EYS: variants seen among roughly 807,000 people sequenced by gnomAD.
The protein encoded by EYS is protein eyes shut homolog.
A neutral mutation model predicts 282.1 loss-of-function variants in EYS; 250 were observed. The ratio of observed to expected loss-of-function variants is 0.89; its 90% CI spans 0.80 to 0.98. The LOEUF is 0.98. Ranked by LOEUF, EYS falls within the 50% of genes least tolerant of loss-of-function variation. The pLI is 0.00. For synonymous variants in EYS, 1,355 were observed against 1,282.9 expected (o/e 1.06, Z -1.20); for missense variants, 4,016 against 3,709.0 (o/e 1.08, Z -2.15).
intron 42 of EYS, 116 bp downstream of exon 42, chr6:63,726,403 A>C: frequency 1.1e-6 from 1 of 873,698 alleles, no homozygotes; most frequent in Non-Finnish European, 1.7e-6. Context: ...TGACAATAGA[A>C]CATAAAAGCA....
chr6:64,500,907 T>C (rs1334332852), intron 26 of EYS, among the ~76,000 whole-genome samples: 4 of 152,144 alleles, frequency 2.6e-5, no homozygotes, highest in African/African-American at 4.8e-5. Flanking sequence ...ACATTGATTA[T>C]GTTAACTGTG....
chr6:65,150,679 A>T (rs2150214953), intron 12 of EYS, among the ~76,000 whole-genome samples: 1 of 140,958 alleles, frequency 7.1e-6, no homozygotes, highest in Non-Finnish European at 1.5e-5. Flanking sequence ...CTTATTTTTT[A>T]TCATTTTTAA....
At chr6:64,923,043 G>A (rs1281633177) in intron 15 of EYS, among the ~76,000 whole-genome samples, 2 of 152,054 alleles carry the variant, frequency 1.3e-5, no homozygotes, top group African/African-American at 2.4e-5. Context: ...TCTTGAGGAT[G>A]TGCCTATGAT....
At chr6:65,273,719 G>T (rs1767965694) in intron 12 of EYS, among the ~76,000 whole-genome samples, 1 of 152,184 alleles carries the variant, frequency 6.6e-6, no homozygotes. Flanking sequence ...GTTATGTTAT[G>T]CTATACGTTA....
intron 2 of EYS, among the ~76,000 whole-genome samples, chr6:65,594,947 C>A (rs1204976450): frequency 6.6e-6 from 1 of 151,982 alleles, no homozygotes; most frequent in East Asian, 1.9e-4. Context: ...TTGTTTTGGT[C>A]AGGTTTGCCA....
At chr6:63,899,310 T>G (rs1773607423) in intron 35 of EYS, among the ~76,000 whole-genome samples, 2 of 152,102 alleles carry the variant, frequency 1.3e-5, no homozygotes, top group Admixed American at 1.3e-4. Context: ...CACAACATGT[T>G]GAATTAATGA....
intron 22 of EYS, among the ~76,000 whole-genome samples, chr6:64,672,179 G>T (rs1316242347): frequency 1.3e-5 from 2 of 152,066 alleles, no homozygotes; most frequent in Admixed American, 1.3e-4. Context: ...CCTTTTAACT[G>T]ATGCCCTAGT....
At chr6:64,269,323 A>G (rs1767864705) in intron 30 of EYS, among the ~76,000 whole-genome samples, 1 of 152,146 alleles carries the variant, frequency 6.6e-6, no homozygotes, top group Non-Finnish European at 1.5e-5. Context: ...AGTGCGACTA[A>G]CATAGAATAA....
chr6:64,507,333 A>G (rs974159024), intron 26 of EYS, among the ~76,000 whole-genome samples: 2 of 152,184 alleles, frequency 1.3e-5, no homozygotes, highest in Non-Finnish European at 2.9e-5. Context: ...CTACCTGTTT[A>G]AAAGAGGATG....
intron 5 of EYS, among the ~76,000 whole-genome samples, chr6:65,440,619 A>G (rs1191619085): frequency 6.6e-6 from 1 of 151,336 alleles, no homozygotes; most frequent in East Asian, 1.9e-4. Flanking sequence ...AGTCTTCCCC[A>G]CATTTCCTCC....
intron 31 of EYS, among the ~76,000 whole-genome samples, chr6:64,134,284 C>T (rs1331840893): frequency 6.6e-6 from 1 of 151,864 alleles, no homozygotes; most frequent in African/African-American, 2.4e-5. Context: ...TTTCAGTGAC[C>T]TGCATTTCTT....
chr6:64,114,562 G>T (rs1054632261), intron 31 of EYS, among the ~76,000 whole-genome samples: 1 of 152,178 alleles, frequency 6.6e-6, no homozygotes, highest in Non-Finnish European at 1.5e-5. Flanking sequence ...TGATGTGCCA[G>T]AAACATCTAG....
At chr6:64,539,398 C>G (rs1368395963) in intron 26 of EYS, among the ~76,000 whole-genome samples, 1 of 151,924 alleles carries the variant, frequency 6.6e-6, no homozygotes, top group African/African-American at 2.4e-5. Flanking sequence ...TACCCTGTCT[C>G]TAGAAAAATA....
chr6:64,713,617 G>T (rs1463236789), intron 22 of EYS, among the ~76,000 whole-genome samples: 5 of 152,030 alleles, frequency 3.3e-5, no homozygotes, highest in Non-Finnish European at 7.4e-5. Flanking sequence ...TAGAAATAAA[G>T]AACTATTTAC....
At chr6:64,194,475 ATATATTTTTTGTTG>A (rs1765218816) in intron 31 of EYS, among the ~76,000 whole-genome samples, 1 of 152,106 alleles carries the variant, frequency 6.6e-6, no homozygotes, top group African/African-American at 2.4e-5. Flanking sequence ...TGAGTTCTAA[ATATATTTTTTGTTG>A]TAGTTTCTTC....
intron 22 of EYS, among the ~76,000 whole-genome samples, chr6:64,638,461 A>C (rs1222141368): frequency 1.1e-5 from 1 of 92,214 alleles, no homozygotes; most frequent in Non-Finnish European, 2.4e-5. Flanking sequence ...AATTATTAAG[A>C]GCTGTGAATT....
intron 12 of EYS, among the ~76,000 whole-genome samples, chr6:65,068,489 C>G (rs1007698372): frequency 1.3e-5 from 2 of 152,004 alleles, no homozygotes; most frequent in Non-Finnish European, 2.9e-5. Context: ...CATGAGGCCA[C>G]TCTTGTGCAA....
intron 12 of EYS, among the ~76,000 whole-genome samples, chr6:65,258,222 GA>G (rs142091915): frequency 1.3e-5 from 2 of 151,652 alleles, no homozygotes. Flanking sequence ...GTTAGTGACA[GA>G]AAAAAAATTG....
rs186505156 is a variant in EYS at position 65,449,524 on chromosome 6, A to G, written c.862+41070T>C. 2.0e-3 allele frequency among the ~76,000 whole-genome samples: 304 copies of G among 152,206 alleles called. 2 individuals are homozygous for G. Among genetic ancestry groups the G allele is most frequent in the African/African-American group, 7.2e-3 (301 of 41,566 alleles). On this transcript the variant is annotated intron_variant, in intron 5 of 42. Transcript: ENST00000503581. ...AACACTGAGATTAAGGTTAGTATACATTGTTGCCTATAATTATTAAGTATT... is the reference window on the plus strand; with the variant it reads ...AACACTGAGATTAAGGTTAGTATACGTTGTTGCCTATAATTATTAAGTATT...
Sources: gnomAD v4.1 joint callset for allele counts (sites outside exome capture counted in the v4.1 genomes callset) on GRCh38, gnomAD v4.1.1 for gene constraint, MANE v1.5 for transcripts, NCBI Gene and HGNC (gene_info 2026-07-23, HGNC 2026-07-21) for gene names.